The following TTLL5 variants were observed in gnomAD, a reference collection of about 807,000 sequenced individuals.
TTLL5 encodes the protein tubulin polyglutamylase TTLL5.
A neutral mutation model predicts 168.4 loss-of-function variants in TTLL5; 132 were observed. That is an observed-to-expected ratio of 0.78 (90% CI 0.68 to 0.91). The LOEUF is 0.91. TTLL5 is among the 40% of genes least tolerant of loss of function. The pLI is 0.00. For missense variants in TTLL5, 1,545 were observed against 1,581.5 expected (o/e 0.98, Z 0.39); for synonymous variants, 546 against 558.6 (o/e 0.98, Z 0.32).
chr14:75,888,870 G>A (rs1432192101), intron 30 of TTLL5, among the ~76,000 whole-genome samples: 2 of 149,960 alleles, frequency 1.3e-5, no homozygotes, highest in Non-Finnish European at 2.9e-5. Flanking sequence ...GGGAGGCAGA[G>A]ATTTGCAGTG....
rs570995686 is a variant in TTLL5 at position 75,746,537 on chromosome 14, C to A, written c.1487+956C>A. Among the ~76,000 whole-genome samples, 52 of 147,094 alleles carry A rather than the reference C, an allele frequency of 3.5e-4. 1 individual carries two copies. The South Asian group carries it at 0.011, about 30-fold the overall frequency. ...TGCTTTTAGGATTATCTCTTTATAA[C>A]TGATTTCCTCTTTTCTTTTCTTTTT... On this transcript the variant is annotated intron_variant, in intron 17 of 31. Transcript: ENST00000298832.
At chr14:75,895,783 CTA>C (rs2032631527) in intron 30 of TTLL5, among the ~76,000 whole-genome samples, 1 of 151,978 alleles carries the variant, frequency 6.6e-6, no homozygotes, top group African/African-American at 2.4e-5. Flanking sequence ...ACAGAGTAAA[CTA>C]ATTAAAATAT....
intron 29 of TTLL5, among the ~76,000 whole-genome samples, chr14:75,873,074 CT>C (rs71119401): frequency 0.78 from 85,550 of 110,212 alleles, 31,724 homozygotes; most frequent in East Asian, 0.83. Context: ...ATCTCCAGAA[CT>C]TTTTTTTTTT....
At chr14:75,850,893 A>C (rs1896808898) in intron 28 of TTLL5, among the ~76,000 whole-genome samples, 1 of 151,848 alleles carries the variant, frequency 6.6e-6, no homozygotes, top group African/African-American at 2.4e-5. Context: ...CCAGGAGTTC[A>C]AGACCAGCCT....
rs3031047 is a variant in TTLL5 at position 75,731,374 on chromosome 14, T to TACACACACACACACACACAC, written c.1043-934_1043-915dup. On this transcript the variant is annotated intron_variant, in intron 12 of 31. Coordinates refer to ENST00000298832, the MANE Select transcript of TTLL5 (RefSeq NM_015072.5). ...ATATAGCTATAAATATACACATACATACACACACACACACACACACACACA... is the reference window on the plus strand; with the variant it reads ...ATATAGCTATAAATATACACATACATACACACACACACACACACACACACACACACACACACACACACACA... 2.2e-5 allele frequency among the ~76,000 whole-genome samples: 3 copies of TACACACACACACACACACAC among 139,236 alleles called. No individual in the cohort carries two copies. In the South Asian group the frequency reaches 7.5e-4, roughly 35 times the overall value. 91.3% of individuals were successfully genotyped at this position (139,236 alleles called of 152,430 possible).
intron 30 of TTLL5, among the ~76,000 whole-genome samples, chr14:75,896,678 T>C (rs1414091776): frequency 6.6e-6 from 1 of 152,134 alleles, no homozygotes; most frequent in Non-Finnish European, 1.5e-5. Flanking sequence ...GTCAACCTTG[T>C]GAAGTAATGA....
intron 28 of TTLL5, chr14:75,820,704 A>G (rs954994865): frequency 6.5e-6 from 1 of 154,106 alleles, no homozygotes; most frequent in Non-Finnish European, 1.5e-5. Flanking sequence ...TAAAGATAAA[A>G]TCCACGTAGC....
At chr14:75,876,857 AG>A (rs1201411023) in intron 29 of TTLL5, among the ~76,000 whole-genome samples, 2 of 152,216 alleles carry the variant, frequency 1.3e-5, no homozygotes, top group Non-Finnish European at 2.9e-5. Context: ...ACAGCATCAC[AG>A]GGTTGCATAA....
chr14:75,850,962 C>T (rs1246402944), intron 28 of TTLL5, among the ~76,000 whole-genome samples: 1 of 151,708 alleles, frequency 6.6e-6, no homozygotes, highest in East Asian at 1.9e-4. Flanking sequence ...GGTGTGTTAG[C>T]ACACACCTGT....
intron 7 of TTLL5, 138 bp from the exon 8 acceptor site, chr14:75,706,880 G>C (rs1886695913): frequency 3.3e-6 from 2 of 612,824 alleles, no homozygotes; most frequent in Admixed American, 5.6e-5. Context: ...GAATATATGG[G>C]TACCTTGGAG....
At chr14:75,874,720 C>A (rs1432486976) in intron 29 of TTLL5, among the ~76,000 whole-genome samples, 1 of 152,048 alleles carries the variant, frequency 6.6e-6, no homozygotes, top group African/African-American at 2.4e-5. Flanking sequence ...AGGAAATGAT[C>A]CAGCATATGT....
At chr14:75,773,949 G>GAGAGAGAGAGAGAGAGAGAGAGAA (rs1555344552) in intron 21 of TTLL5, among the ~76,000 whole-genome samples, 2 of 46,336 alleles carry the variant, frequency 4.3e-5, no homozygotes, top group African/African-American at 7.9e-5. Flanking sequence ...GAGAGAGAGA[G>GAGAGAGAGAGAGAGAGAGAGAGAA]AGAGAGAAAG....
intron 21 of TTLL5, among the ~76,000 whole-genome samples, chr14:75,774,848 C>T (rs1164550031): frequency 2.0e-5 from 3 of 151,994 alleles, no homozygotes; most frequent in Non-Finnish European, 2.9e-5. Context: ...GCCACCACGT[C>T]AGGCTAATTT....
At chr14:75,863,995 G>A in intron 29 of TTLL5, 133 bp downstream of exon 29, 1 of 900,416 alleles carries the variant, frequency 1.1e-6, no homozygotes, top group Non-Finnish European at 1.6e-6. Flanking sequence ...GGCTTGGACA[G>A]CTCATGGGGA....
chr14:75,775,651 C>A, intron 22 of TTLL5, 21 bp downstream of exon 22: 2 of 1,613,160 alleles, frequency 1.2e-6, no homozygotes, highest in South Asian at 2.2e-5. Flanking sequence ...TTCTGTTAGT[C>A]TTGTGCTTTG....
At chr14:75,697,620 C>T (rs1402331839) in intron 6 of TTLL5, among the ~76,000 whole-genome samples, 2 of 152,146 alleles carry the variant, frequency 1.3e-5, no homozygotes, top group African/African-American at 4.8e-5. Flanking sequence ...CAAGTAGTTG[C>T]TGGCAAGTCA....
At chr14:75,861,755 G>A (rs2030024394) in intron 28 of TTLL5, among the ~76,000 whole-genome samples, 1 of 152,036 alleles carries the variant, frequency 6.6e-6, no homozygotes, top group Non-Finnish European at 1.5e-5. Context: ...AATTAAAGAT[G>A]GTCCCAAGAA....
At chr14:75,805,582 T>A (rs933952189) in intron 27 of TTLL5, among the ~76,000 whole-genome samples, 1 of 152,332 alleles carries the variant, frequency 6.6e-6, no homozygotes, top group South Asian at 2.1e-4. Flanking sequence ...TATCTTTAGT[T>A]TGAGCCTTTG....
intron 30 of TTLL5, among the ~76,000 whole-genome samples, chr14:75,887,896 C>T (rs913083114): frequency 2.0e-5 from 3 of 152,154 alleles, no homozygotes; most frequent in Admixed American, 6.5e-5. Context: ...TAATGCCACT[C>T]GTATTAGAGG....
Sources: gnomAD v4.1 joint callset for allele counts (sites outside exome capture counted in the v4.1 genomes callset) on GRCh38, gnomAD v4.1.1 for gene constraint, MANE v1.5 for transcripts, NCBI Gene and HGNC (gene_info 2026-07-23, HGNC 2026-07-21) for gene names.